The following PTPN3 variants were observed in gnomAD, a reference collection of about 807,000 sequenced individuals.
The protein encoded by PTPN3 is tyrosine-protein phosphatase non-receptor type 3.
Under a neutral mutation model 132.7 loss-of-function variants are expected in PTPN3, and 96 were observed. That is an observed-to-expected ratio of 0.72 (90% CI 0.61 to 0.86). The LOEUF (loss-of-function observed/expected upper bound fraction) is 0.86, where lower values mean the gene tolerates loss of function less well. PTPN3 is among the 40% of genes least tolerant of loss of function. The pLI is 0.00. For missense variants in PTPN3, 1,125 were observed against 1,159.6 expected, an observed-to-expected ratio of 0.97 and a Z score of 0.43; for synonymous variants, 398 against 429.0, an observed-to-expected ratio of 0.93 and a Z score of 0.89.
At chr9:109,469,633 G>A (rs952681854) in intron 1 of PTPN3, among the ~76,000 whole-genome samples, 7 of 152,026 alleles carry the variant, frequency 4.6e-5, no homozygotes, top group Non-Finnish European at 8.8e-5. Context: ...TAAATAAATG[G>A]CAAAGTATTC....
intron 4 of PTPN3, among the ~76,000 whole-genome samples, chr9:109,455,818 G>A (rs747103278): frequency 6.6e-6 from 1 of 152,234 alleles, no homozygotes; most frequent in Non-Finnish European, 1.5e-5. Flanking sequence ...CTTGAGGGGA[G>A]AGTCCAAATT....
At chr9:109,416,510 A>G (rs1484778111) in intron 14 of PTPN3, among the ~76,000 whole-genome samples, 3 of 149,472 alleles carry the variant, frequency 2.0e-5, no homozygotes, top group Non-Finnish European at 4.4e-5. Flanking sequence ...CAGGGGTGCG[A>G]CCACAGCTCA....
chr9:109,412,077 C>G (rs1842114357), intron 14 of PTPN3, among the ~76,000 whole-genome samples: 1 of 152,176 alleles, frequency 6.6e-6, no homozygotes, highest in African/African-American at 2.4e-5. Context: ...AGAGCATCAC[C>G]CAGTGGCAGA....
intron 10 of PTPN3, chr9:109,428,893 G>A (rs1363039130): frequency 1.8e-5 from 18 of 985,310 alleles, no homozygotes; most frequent in Non-Finnish European, 2.2e-5. Context: ...CTGCGTAAGG[G>A]CCACTGGATT....
chr9:109,504,061 A>T, the PTPN3 span, among the ~76,000 whole-genome samples: 1 of 152,178 alleles, frequency 6.6e-6, no homozygotes, highest in Admixed American at 6.6e-5. Context: ...TGTAATTTTA[A>T]ATAGGATTGA....
At chr9:109,433,219 G>C (rs1813780626) in intron 9 of PTPN3, 58 bp from the exon 10 acceptor site, 2 of 1,603,406 alleles carry the variant, frequency 1.2e-6, no homozygotes, top group South Asian at 1.1e-5. Flanking sequence ...ATGCCCTCTG[G>C]TGACTTTAAA....
At chr9:109,408,575 C>T (rs922875202) in intron 16 of PTPN3, among the ~76,000 whole-genome samples, 198 bp from the exon 17 acceptor site, 1 of 151,590 alleles carries the variant, frequency 6.6e-6, no homozygotes, top group Non-Finnish European at 1.5e-5. Context: ...AATTCCTGAC[C>T]CCTCTGGATC....
the PTPN3 span, among the ~76,000 whole-genome samples, chr9:109,520,364 C>T: frequency 6.6e-6 from 1 of 152,134 alleles, no homozygotes; most frequent in Non-Finnish European, 1.5e-5. Flanking sequence ...TGTGCCTCTA[C>T]ATCATGGCTC....
chr9:109,480,672 T>C (rs1050115751), intron 1 of PTPN3, among the ~76,000 whole-genome samples: 1 of 152,176 alleles, frequency 6.6e-6, no homozygotes, highest in South Asian at 2.1e-4. Flanking sequence ...GGGTCTTTTA[T>C]TAAGGTCATT....
At position 109,377,457 on chromosome 9, in the gene PTPN3, C is replaced by CAA. The variant is rs1554772351; in HGVS notation, c.*2097_*2098dup. Reference sequence around the variant, plus strand: ...ACACACACACACACACACACACACACAAGCCAGGTGAGGTGGCATGTGCCT... The same window carrying CAA: ...ACACACACACACACACACACACACACAAAAGCCAGGTGAGGTGGCATGTGCCT... On this transcript the variant is annotated 3_prime_UTR_variant, in exon 26 of 26. Coordinates refer to ENST00000374541, the MANE Select transcript of PTPN3 (RefSeq NM_002829.4). 3.4e-4 allele frequency: 45 copies of CAA among 131,264 alleles called. No individual in the cohort carries two copies. Among genetic ancestry groups the CAA allele is most frequent in the Middle Eastern group, 3.7e-3 (1 of 268 alleles). The allele number at this position is 131,264 out of a possible 1,614,324, so 8.1% of individuals were successfully genotyped here. A position where few individuals can be genotyped will look rare whatever the true frequency, so the allele number is the denominator to read the frequency against.
the PTPN3 span, among the ~76,000 whole-genome samples, chr9:109,535,989 G>T: frequency 6.6e-6 from 1 of 152,116 alleles, no homozygotes; most frequent in Admixed American, 6.5e-5. Context: ...CACCCCAAAA[G>T]GAAGCCCTGT....
chr9:109,388,692 G>A (rs1839804132), intron 22 of PTPN3, among the ~76,000 whole-genome samples: 1 of 152,180 alleles, frequency 6.6e-6, no homozygotes, highest in African/African-American at 2.4e-5. Flanking sequence ...CCAACCCTTA[G>A]GGTTATCAGC....
intron 1 of PTPN3, among the ~76,000 whole-genome samples, chr9:109,492,438 C>T (rs1234200560): frequency 6.6e-6 from 1 of 152,236 alleles, no homozygotes; most frequent in African/African-American, 2.4e-5. Context: ...GACCTTCACT[C>T]ACCCACAGCG....
chr9:109,441,303 A>T (rs10816811), intron 7 of PTPN3, among the ~76,000 whole-genome samples: 51,399 of 152,148 alleles, frequency 0.34, 9,628 homozygotes, highest in African/African-American at 0.48. Flanking sequence ...TTTTGCAGCA[A>T]AGAGAGGGTA....
rs987645380 is a variant in PTPN3 at position 109,445,300 on chromosome 9, G to C, written c.414-8C>G. 6.2e-7 allele frequency: 1 copy of C among 1,611,792 alleles called. No homozygotes were observed. Among genetic ancestry groups the C allele is most frequent in the Non-Finnish European group, 8.5e-7 (1 of 1,177,900 alleles). On this transcript the variant is annotated splice_region_variant and splice_polypyrimidine_tract_variant and intron_variant, in intron 6 of 25. Transcript: ENST00000374541. ...TTAAGAGGGCAGGTTAACCTGTCAG[G>C]AGAAAAACATATTAGCAAAGTCACA...
chr9:109,383,251 A>C, intron 23 of PTPN3, 172 bp downstream of exon 23: 1 of 1,139,502 alleles, frequency 8.8e-7, no homozygotes, highest in Non-Finnish European at 1.3e-6. Flanking sequence ...TGTTGTGACT[A>C]GGGCCACTGT....
At chr9:109,512,800 C>T in the PTPN3 span, among the ~76,000 whole-genome samples, 1 of 152,144 alleles carries the variant, frequency 6.6e-6, no homozygotes, top group African/African-American at 2.4e-5. Context: ...AGAAGGGAAA[C>T]CGTGGACACA....
intron 1 of PTPN3, among the ~76,000 whole-genome samples, chr9:109,495,411 C>A (rs986165718): frequency 6.6e-6 from 1 of 152,186 alleles, no homozygotes; most frequent in African/African-American, 2.4e-5. Context: ...CTTCTCACTC[C>A]CTCCCATCCC....
At chr9:109,516,434 G>C in the PTPN3 span, among the ~76,000 whole-genome samples, 1 of 152,218 alleles carries the variant, frequency 6.6e-6, no homozygotes, top group African/African-American at 2.4e-5. Flanking sequence ...TTGACAGGCA[G>C]GGAGGAGTTG....
Sources: allele counts gnomAD v4.1 joint callset (sites outside exome capture counted in the v4.1 genomes callset), GRCh38; gene constraint gnomAD v4.1.1; transcripts MANE v1.5; gene names NCBI Gene and HGNC (gene_info 2026-07-23, HGNC 2026-07-21).